Variants in ATP5PO observed in about 807,000 individuals in gnomAD.
ATP5PO encodes the protein ATP synthase peripheral stalk subunit OSCP, mitochondrial.
A neutral mutation model predicts 26.2 loss-of-function variants in ATP5PO; 14 were observed. The ratio of observed to expected loss-of-function variants is 0.53; its 90% CI spans 0.35 to 0.83. ATP5PO has a LOEUF of 0.83. ATP5PO is among the 40% of genes least tolerant of loss of function. ATP5PO has a pLI of 0.01. For missense variants in ATP5PO, 241 were observed against 258.5 expected, an observed-to-expected ratio of 0.93 and a Z score of 0.46; for synonymous variants, 106 against 95.1, an observed-to-expected ratio of 1.12 and a Z score of -0.67.
At chr21:33,911,820 C>A (rs1403184769) in intron 3 of ATP5PO, among the ~76,000 whole-genome samples, 1 of 151,934 alleles carries the variant, frequency 6.6e-6, no homozygotes, top group Non-Finnish European at 1.5e-5. Flanking sequence ...TTCACTACCA[C>A]GTCCCGCTAA....
intron 4 of ATP5PO, among the ~76,000 whole-genome samples, chr21:33,908,169 CAAAAA>C (rs34768404): frequency 1.5e-4 from 15 of 97,656 alleles, no homozygotes; most frequent in African/African-American, 4.0e-4. Context: ...CACCCAGGCT[CAAAAA>C]AAAAAAAAAA....
intron 5 of ATP5PO, among the ~76,000 whole-genome samples, chr21:33,904,841 A>G (rs552697352): frequency 6.6e-6 from 1 of 152,274 alleles, no homozygotes; most frequent in Non-Finnish European, 1.5e-5. Flanking sequence ...CCCAGGTTCA[A>G]GTGATTCTCC....
At chr21:33,907,775 A>G (rs982937274) in intron 4 of ATP5PO, among the ~76,000 whole-genome samples, 2 of 151,278 alleles carry the variant, frequency 1.3e-5, no homozygotes, top group Non-Finnish European at 3.0e-5. Flanking sequence ...GCAGTGTGCT[A>G]TGACTGTCCT....
intron 5 of ATP5PO, chr21:33,907,124 T>A: frequency 1.9e-6 from 1 of 540,486 alleles, no homozygotes; most frequent in Non-Finnish European, 3.3e-6. Context: ...ACCCAGGCCT[T>A]ATGAATAATC....
chr21:33,912,812 G>A (rs572770409), intron 2 of ATP5PO, among the ~76,000 whole-genome samples: 139 of 152,270 alleles, frequency 9.1e-4, no homozygotes, highest in Non-Finnish European at 1.7e-3. Context: ...AGGAAAACAG[G>A]TGTTTATGAA....
chr21:33,912,175 G>A, intron 3 of ATP5PO, 114 bp downstream of exon 3: 1 of 736,756 alleles, frequency 1.4e-6, no homozygotes, highest in East Asian at 2.7e-5. Context: ...TACAGACAAT[G>A]GCTTTTTCCC....
chr21:33,905,889 G>GT (rs1463577459), intron 5 of ATP5PO, among the ~76,000 whole-genome samples: 1 of 136,978 alleles, frequency 7.3e-6, no homozygotes, highest in East Asian at 2.4e-4. Flanking sequence ...TCCAGCCTGG[G>GT]TGACAGAGTG....
intron 3 of ATP5PO, 130 bp from the exon 4 acceptor site, chr21:33,909,341 C>T (rs113257818): frequency 3.9e-5 from 40 of 1,025,950 alleles, no homozygotes; most frequent in Admixed American, 1.4e-4. Context: ...AGTGCAGTGG[C>T]GCAATCTTGG....
At chr21:33,912,724 C>A (rs936364591) in intron 2 of ATP5PO, among the ~76,000 whole-genome samples, 7 of 152,076 alleles carry the variant, frequency 4.6e-5, no homozygotes, top group African/African-American at 1.7e-4. Flanking sequence ...CTTATGTTTC[C>A]TTTGAACTCA....
chr21:33,909,262 G>C (rs1378824968), intron 3 of ATP5PO, 51 bp from the exon 4 acceptor site: 3 of 1,569,614 alleles, frequency 1.9e-6, no homozygotes, highest in African/African-American at 2.7e-5. Flanking sequence ...ACAAATGAAG[G>C]ATGTGCCATG....
At chr21:33,906,295 G>A (rs562647303) in intron 5 of ATP5PO, among the ~76,000 whole-genome samples, 2 of 152,288 alleles carry the variant, frequency 1.3e-5, no homozygotes, top group South Asian at 2.1e-4. Flanking sequence ...TTTTCCTGTA[G>A]GGTAAGCTAC....
intron 3 of ATP5PO, 127 bp from the exon 4 acceptor site, chr21:33,909,338 T>C: frequency 1.9e-6 from 2 of 1,050,230 alleles, no homozygotes; most frequent in Non-Finnish European, 2.7e-6. Flanking sequence ...TGGAGTGCAG[T>C]GGCGCAATCT....
chr21:33,907,035 G>T, intron 5 of ATP5PO: 1 of 369,250 alleles, frequency 2.7e-6, no homozygotes, highest in Non-Finnish European at 5.2e-6. Context: ...TACTTCAAGT[G>T]GTATTCATAA....
chr21:33,912,407 A>C lies in ATP5PO; in HGVS notation c.88-8T>G. 1 of 1,598,738 alleles carries C rather than the reference A, an allele frequency of 6.3e-7. No homozygotes were observed. On this transcript the variant is annotated splice_polypyrimidine_tract_variant and splice_region_variant and intron_variant, in intron 2 of 6. Coordinates refer to ENST00000290299, the MANE Select transcript of ATP5PO (RefSeq NM_001697.3). ...GTATACCTGAACAGGAGGCTTTAAA[A>C]AAAAGGTGAAATAGGAGAGGAAAGA...
At chr21:33,903,901 C>T (rs375215092) in intron 6 of ATP5PO, 34 bp downstream of exon 6, 225 of 1,549,020 alleles carry the variant, frequency 1.5e-4, no homozygotes, top group African/African-American at 2.6e-4. Flanking sequence ...TAAAATAACC[C>T]GAGAAAACGT....
intron 1 of ATP5PO, 38 bp downstream of exon 1, chr21:33,915,690 G>A: frequency 1.3e-6 from 2 of 1,557,238 alleles, no homozygotes; most frequent in Non-Finnish European, 8.7e-7. Context: ...TCCCAGGAGG[G>A]ATCCTCCCAC....
At chr21:33,906,241 G>T (rs1034285291) in intron 5 of ATP5PO, among the ~76,000 whole-genome samples, 1 of 152,170 alleles carries the variant, frequency 6.6e-6, no homozygotes, top group African/African-American at 2.4e-5. Context: ...ATCTAGATGA[G>T]GTCAGGTGCT....
chr21:33,909,035 C>A, intron 4 of ATP5PO, 47 bp downstream of exon 4: 1 of 1,541,110 alleles, frequency 6.5e-7, no homozygotes, highest in Non-Finnish European at 8.8e-7. Flanking sequence ...ACCACATTTC[C>A]AGTCATAGTT....
chr21:33,903,633 G>C lies in ATP5PO; in HGVS notation c.535C>G (p.Pro179Ala), dbSNP rs748638294. 6 of 1,613,934 alleles carry C rather than the reference G, an allele frequency of 3.7e-6. No individual in the cohort carries two copies. The Admixed American group carries it at 1.0e-4, about 27-fold the overall frequency. ...ACAATCATTCCACCCAAGATTGACG[G>C]ATCAGTCTACAAAAGAAGTAAGACT... is the stretch of plus-strand genomic sequence containing the variant. The part of the protein sequence containing the change: ...QVLKLEAKTD[P>A]SILGGMIVRI... Residue 179 changes from proline to alanine, a missense_variant, in exon 7 of 7, where the codon CCG (proline) becomes GCG (alanine). Transcript: ENST00000290299.
Sources: gnomAD v4.1 joint callset for allele counts (sites outside exome capture counted in the v4.1 genomes callset) on GRCh38, gnomAD v4.1.1 for gene constraint, MANE v1.5 for transcripts, NCBI Gene and HGNC (gene_info 2026-07-23, HGNC 2026-07-21) for gene names.